The following GRIP2 variants were observed in gnomAD, a reference collection of about 807,000 sequenced individuals.
The protein encoded by GRIP2 is glutamate receptor-interacting protein 2.
GRIP2 carries 58 observed loss-of-function variants against 108.3 expected under a neutral mutation model. That is an observed-to-expected ratio of 0.54 (90% CI 0.43 to 0.67). The LOEUF is 0.67. Ranked by LOEUF, GRIP2 falls within the 30% of genes least tolerant of loss-of-function variation. The pLI is 0.00. For synonymous variants in GRIP2, 586 were observed against 598.2 expected (o/e 0.98, Z 0.30); for missense variants, 1,278 against 1,430.6 (o/e 0.89, Z 1.72).
rs115648266 is a variant in GRIP2, at chr3:14,522,254, G to C, written c.567-467C>G. On this transcript the variant is annotated intron_variant, in intron 6 of 23. Coordinates refer to ENST00000621039, the MANE Select transcript of GRIP2 (RefSeq NM_001080423.4). This position sits in a 1 kb window ranked among gnomAD's most constrained non-coding sequence, Gnocchi z 4.3. ...CCACCCTCACCCTGGTTTCTCAGCG[G>C]TGATTCTGGCCTGATGACAACCCGC... The C allele has an allele frequency of 9.8e-3, 1,520 of 155,648 alleles. 30 individuals are homozygous for C. Among genetic ancestry groups the C allele is most frequent in the African/African-American group, 0.035 (1,451 of 41,664 alleles). 9.6% of individuals were successfully genotyped at this position (155,648 alleles called of 1,614,324 possible). A position where few individuals can be genotyped will look rare whatever the true frequency, so the allele number is the denominator to read the frequency against.
chr3:14,579,984 G>A, the GRIP2 span, among the ~76,000 whole-genome samples: 1 of 152,314 alleles, frequency 6.6e-6, no homozygotes. Context: ...ATGGGTAACA[G>A]GTTCCCTGTG....
At chr3:14,517,731 G>A (rs767231401) in intron 10 of GRIP2, 41 bp downstream of exon 10, 1 of 1,605,230 alleles carries the variant, frequency 6.2e-7, no homozygotes, top group Non-Finnish European at 8.5e-7. Context: ...CCTAGGAAAG[G>A]CTACAAGACT....
chr3:14,551,032 G>A (rs1695138749), intron 1 of GRIP2, among the ~76,000 whole-genome samples: 1 of 152,160 alleles, frequency 6.6e-6, no homozygotes, highest in Non-Finnish European at 1.5e-5. Context: ...GCGGGAGGGG[G>A]GAGGCAGCAA....
Position 14,511,595 on chromosome 3 carries a change from C to A in GRIP2, c.1721-116G>T. ...CACTGGTCCTACTCACATCCTGGTC[C>A]CACTGCTTCCTGGCTGGGTGACCGT... On this transcript the variant is annotated intron_variant, in intron 14 of 23. Transcript: ENST00000621039. This position sits in a 1 kb window ranked among gnomAD's most constrained non-coding sequence, Gnocchi z 4.1. The A allele has an allele frequency of 1.1e-6, 1 of 938,094 alleles. No homozygotes were observed. The highest frequency in any genetic ancestry group is 1.7e-6 in the Non-Finnish European group (1 of 604,704). The allele number at this position is 938,094 out of a possible 1,614,324, so 58.1% of individuals were successfully genotyped here.
At chr3:14,542,188 CTCTG>C, upstream of GRIP2, 1 of 645,206 alleles carries the variant, frequency 1.5e-6, no homozygotes, top group Non-Finnish European at 2.3e-6. Context: ...CAGCGTCTCA[CTCTG>C]TCACCTGGGC....
chr3:14,527,383 G>GAA (rs1694586589), intron 1 of GRIP2, among the ~76,000 whole-genome samples: 1 of 117,436 alleles, frequency 8.5e-6, no homozygotes, highest in Non-Finnish European at 1.9e-5. Context: ...GAAAGGAAAG[G>GAA]AAAGGAAAGA....
the GRIP2 span, among the ~76,000 whole-genome samples, chr3:14,589,300 C>T: frequency 6.6e-6 from 1 of 152,138 alleles, no homozygotes; most frequent in African/African-American, 2.4e-5. Context: ...TAGTACACAA[C>T]TATTTGTCTA....
rs1391068992 is a variant in GRIP2 at position 14,506,928 on chromosome 3, A to G, written c.2271T>C (p.Asp757=). The change falls in exon 19 of 24, where the codon GAT becomes GAC. Residue 757 remains aspartate, a synonymous_variant. Coordinates refer to ENST00000621039, the MANE Select transcript of GRIP2 (RefSeq NM_001080423.4). The part of the protein sequence containing the change: ...SGSLSETSDA[D]EDPADALKGG... ...CTTTCAGGGCATCTGCTGGGTCCTC[A>G]TCAGCATCACTGGTCTCACTGAGGC... The G allele has an allele frequency of 1.9e-6, 3 of 1,607,800 alleles. No individual in the cohort carries two copies. The highest frequency in any genetic ancestry group is 1.7e-6 in the Non-Finnish European group (2 of 1,177,218).
the GRIP2 span, among the ~76,000 whole-genome samples, chr3:14,575,734 G>A: frequency 1.3e-5 from 2 of 152,234 alleles, no homozygotes; most frequent in Non-Finnish European, 2.9e-5. Flanking sequence ...CAACCTGAGG[G>A]GCTGTCGTAA....
At chr3:14,595,872 C>A in the GRIP2 span, among the ~76,000 whole-genome samples, 2 of 152,228 alleles carry the variant, frequency 1.3e-5, no homozygotes, top group Non-Finnish European at 2.9e-5. Flanking sequence ...CTTCCTCCCC[C>A]TTCTCTTCTT....
At position 14,514,396 on chromosome 3, in the gene GRIP2, G is replaced by A. The variant is rs1361030750; in HGVS notation, c.1389C>T (p.Pro463=). Residue 463 remains proline, a synonymous_variant, in exon 12 of 24, where the codon CCC becomes CCT. Transcript: ENST00000621039. ...ETTEVVLCGD[P]LSGFGLQLQG... is the part of the protein sequence containing the mutation. Reference sequence around the variant, plus strand: ...GGAGCTGGAGGCCAAAGCCGCTGAGGGGGTCTCCACAGAGCACGACCTCCG... The same window carrying A: ...GGAGCTGGAGGCCAAAGCCGCTGAGAGGGTCTCCACAGAGCACGACCTCCG... 1 of 1,574,532 alleles carries A rather than the reference G, an allele frequency of 6.4e-7. No individual in the cohort carries two copies.
At chr3:14,498,299 C>CA (rs1342092697) in intron 21 of GRIP2, among the ~76,000 whole-genome samples, 2 of 151,970 alleles carry the variant, frequency 1.3e-5, no homozygotes, top group Non-Finnish European at 2.9e-5. Flanking sequence ...AACCTCTCTA[C>CA]AAAAAATACA....
chr3:14,573,328 G>A, the GRIP2 span: 4 of 1,403,046 alleles, frequency 2.9e-6, no homozygotes, highest in Admixed American at 1.7e-5. Context: ...CCACTCAGCA[G>A]GTAGATGATG....
intron 20 of GRIP2, among the ~76,000 whole-genome samples, chr3:14,504,502 G>A (rs564241558): frequency 9.9e-5 from 15 of 151,926 alleles, no homozygotes; most frequent in African/African-American, 3.1e-4. Context: ...TACTAGAGAC[G>A]GGTTCCACCG....
Position 14,511,586 on chromosome 3 carries a change from A to G in GRIP2, c.1721-107T>C, listed in dbSNP as rs1187868065. 1 of 1,041,660 alleles carries G rather than the reference A, an allele frequency of 9.6e-7. No individual in the cohort carries two copies. The highest frequency in any genetic ancestry group is 1.4e-6 in the Non-Finnish European group (1 of 692,386). The allele number at this position is 1,041,660 out of a possible 1,614,324, so 64.5% of individuals were successfully genotyped here. A position where few individuals can be genotyped will look rare whatever the true frequency, so the allele number is the denominator to read the frequency against. On this transcript the variant is annotated intron_variant, in intron 14 of 23. Coordinates refer to ENST00000621039, the MANE Select transcript of GRIP2 (RefSeq NM_001080423.4). This position sits in a 1 kb window ranked among gnomAD's most constrained non-coding sequence, Gnocchi z 4.1. ...ACTCGGAGCCACTGGTCCTACTCAC[A>G]TCCTGGTCCCACTGCTTCCTGGCTG...
intron 11 of GRIP2, among the ~76,000 whole-genome samples, chr3:14,516,828 A>T (rs1694261060): frequency 6.6e-6 from 1 of 152,220 alleles, no homozygotes; most frequent in African/African-American, 2.4e-5. Flanking sequence ...TAATAAAAAT[A>T]CAAGAATAAA....
chr3:14,505,508 G>A lies in GRIP2; in HGVS notation c.2573+107C>T. 7.9e-7 allele frequency: 1 copy of A among 1,272,176 alleles called. No homozygotes were observed. The highest frequency in any genetic ancestry group is 1.1e-6 in the Non-Finnish European group (1 of 916,140). 78.8% of individuals were successfully genotyped at this position (1,272,176 alleles called of 1,614,324 possible). A position where few individuals can be genotyped will look rare whatever the true frequency, so the allele number is the denominator to read the frequency against. ...TCCCAGGAGGCACCCCTCCTCAGGA[G>A]CCCGCCAAGACTCTCCATTCCCCCA... is the stretch of plus-strand genomic sequence containing the variant. On this transcript the variant is annotated intron_variant, in intron 20 of 23. Coordinates refer to ENST00000621039, the MANE Select transcript of GRIP2 (RefSeq NM_001080423.4). This position sits in a 1 kb window ranked among gnomAD's most constrained non-coding sequence, Gnocchi z 4.2.
rs1463049583 is a variant in GRIP2, at chr3:14,517,859, G to T, written c.1069C>A (p.Pro357Thr). The T allele has an allele frequency of 6.3e-7, 1 of 1,596,524 alleles. No homozygotes were observed. Among genetic ancestry groups the T allele is most frequent in the Non-Finnish European group, 8.5e-7 (1 of 1,172,264 alleles). ...QRSEQLHRWD[P>T]CVPSCHSPRP... ...GGGCTGTGGCAGGAGGGCACGCAGGGGTCCCAGCGGTGCAGCTGCTCACTC... is the reference window on the plus strand; with the variant it reads ...GGGCTGTGGCAGGAGGGCACGCAGGTGTCCCAGCGGTGCAGCTGCTCACTC... The change falls in exon 10 of 24, where the codon CCC (proline) becomes ACC (threonine). Residue 357 changes from proline to threonine, a missense_variant. Coordinates refer to ENST00000621039, the MANE Select transcript of GRIP2 (RefSeq NM_001080423.4).
the GRIP2 span, among the ~76,000 whole-genome samples, chr3:14,584,611 G>A: frequency 0.024 from 3,633 of 152,274 alleles, 172 homozygotes; most frequent in African/African-American, 0.082. Flanking sequence ...GCCTGGGACC[G>A]CGGACTATGG....
Sources: allele counts gnomAD v4.1 joint callset (sites outside exome capture counted in the v4.1 genomes callset), GRCh38; gene constraint gnomAD v4.1.1; non-coding constraint Gnocchi (gnomAD v3.1); transcripts MANE v1.5; gene names NCBI Gene and HGNC (gene_info 2026-07-23, HGNC 2026-07-21).